The following XRN1 variants were observed in gnomAD, a reference collection of about 807,000 sequenced individuals.
The protein encoded by XRN1 is 5'-3' exoribonuclease 1.
XRN1 carries 67 observed loss-of-function variants against 222.3 expected under a neutral mutation model. The ratio of observed to expected loss-of-function variants is 0.30; its 90% CI spans 0.25 to 0.37. XRN1 has a LOEUF of 0.37. Ranked by LOEUF, XRN1 falls within the 10% of genes least tolerant of loss-of-function variation. The pLI, the probability that XRN1 is intolerant of heterozygous loss-of-function variation, is 1.00. For synonymous variants in XRN1, 643 were observed against 652.4 expected (o/e 0.99, Z 0.22); for missense variants, 1,707 against 2,000.2 (o/e 0.85, Z 2.80).
intron 33 of XRN1, among the ~76,000 whole-genome samples, chr3:142,338,214 C>A (rs1387228055): frequency 6.6e-6 from 1 of 152,178 alleles, no homozygotes; most frequent in African/African-American, 2.4e-5. Flanking sequence ...AAAAGACATC[C>A]CTCTCTTCCA....
At position 142,421,015 on chromosome 3, in the gene XRN1, C is replaced by T. The variant is rs2069006851; in HGVS notation, c.1173+1G>A. On this transcript the variant is annotated splice_donor_variant, in intron 10 of 40. Coordinates refer to ENST00000392981, the MANE Select transcript of XRN1 (RefSeq NM_001282857.2). LOFTEE classifies it high-confidence loss of function. The stretch of plus-strand genomic sequence containing the variant: ...GAAAGGACACCTAAAAAAATAGACA[C>T]CTTTAACTTTTTCTTTTCCTTGTAG... 7 of 1,613,732 alleles carry T rather than the reference C, an allele frequency of 4.3e-6. No homozygotes were observed. The South Asian group carries it at 4.4e-5, about 10-fold the overall frequency.
chr3:142,316,588 C>A (rs1380814620), intron 39 of XRN1, among the ~76,000 whole-genome samples: 1 of 152,198 alleles, frequency 6.6e-6, no homozygotes, highest in Non-Finnish European at 1.5e-5. Context: ...ACCTTCCTTA[C>A]TGCCAAGACT....
chr3:142,433,990 A>G (rs1199044780), intron 1 of XRN1, among the ~76,000 whole-genome samples: 2 of 152,228 alleles, frequency 1.3e-5, no homozygotes. Context: ...AGCATAACAT[A>G]AAAATTCTGG....
chr3:142,332,932 T>C, intron 35 of XRN1, 35 bp downstream of exon 35: 2 of 1,608,732 alleles, frequency 1.2e-6, no homozygotes, highest in Non-Finnish European at 1.7e-6. Context: ...AGTCGAGAAA[T>C]TACCACAGTA....
chr3:142,423,733 GAAGAAT>G, intron 5 of XRN1, 91 bp from the exon 6 acceptor site: 1 of 922,988 alleles, frequency 1.1e-6, no homozygotes, highest in Non-Finnish European at 1.6e-6. Context: ...TCTATACAAG[GAAGAAT>G]AAGAAACAAT....
In XRN1 at chr3:142,317,930, TTC is replaced by T. The variant is rs202018611; in HGVS notation, c.4621+660_4621+661del. 8.4e-5 allele frequency among the ~76,000 whole-genome samples: 5 copies of T among 59,250 alleles called. No homozygotes were observed. In the South Asian group the frequency reaches 8.7e-4, roughly 10 times the overall value. 38.9% of individuals were successfully genotyped at this position (59,250 alleles called of 152,430 possible). On this transcript the variant is annotated intron_variant, in intron 39 of 40. Coordinates refer to ENST00000392981, the MANE Select transcript of XRN1 (RefSeq NM_001282857.2). ...CAAATCTCTAATCTGCTGATATTTC[TTC>T]TGTCTTCATCCTCACAGATTTACAC...
rs376509512 is a variant in XRN1, at chr3:142,311,692, C to T, written c.4904G>A (p.Arg1635Gln). Residue 1635 changes from arginine (R) to glutamine (Q), a missense_variant, in exon 41 of 41, where the codon CGG becomes CAG. This residue lies in a region of XRN1 where 473 missense variants were observed against 482.0 expected (regional missense o/e 0.98). Coordinates refer to ENST00000392981, the MANE Select transcript of XRN1 (RefSeq NM_001282857.2). ...CTTCAAAGAAGCTGATGAGCTCTCC[C>T]GTGGACTTACTTTGACAATGTTGGA... ...DSSNIVKVSP[R>Q]ESSSASLKSS... 5.9e-5 allele frequency: 95 copies of T among 1,614,086 alleles called. 1 individual carries two copies. The South Asian group carries it at 8.6e-4, about 15-fold the overall frequency.
chr3:142,311,835 C>A (rs748982757), intron 40 of XRN1, 22 bp from the exon 41 acceptor site: 7 of 1,541,236 alleles, frequency 4.5e-6, no homozygotes, highest in Non-Finnish European at 6.1e-6. Flanking sequence ...AAAAGCATCA[C>A]TAATTAATAA....
At chr3:142,391,204 T>C (rs2067698753) in intron 20 of XRN1, among the ~76,000 whole-genome samples, 1 of 152,118 alleles carries the variant, frequency 6.6e-6, no homozygotes, top group Non-Finnish European at 1.5e-5. Flanking sequence ...TGCAACATGG[T>C]TGTCGCAAGC....
intron 32 of XRN1, among the ~76,000 whole-genome samples, chr3:142,347,909 T>A (rs2066194853): frequency 6.6e-6 from 1 of 152,114 alleles, no homozygotes; most frequent in Non-Finnish European, 1.5e-5. Context: ...AAAATCCTCC[T>A]TTCAATAAAA....
chr3:142,421,497 T>C lies in XRN1; in HGVS notation c.1014A>G (p.Lys338=), dbSNP rs187451144. 8 of 1,609,378 alleles carry C rather than the reference T, an allele frequency of 5.0e-6. No homozygotes were observed. The East Asian group carries it at 1.3e-4, about 27-fold the overall frequency. The part of the protein sequence containing the change: ...SGHLNLPRFE[K]YLVKLSDFDR... ...TTACATCTGATAGTTTCACAAGGTA[T>C]TTCTCAAATCGAGGTAAGTTGAGGT... The change falls in exon 9 of 41, where the codon AAA becomes AAG. Residue 338 remains lysine, a synonymous_variant. Transcript: ENST00000392981.
chr3:142,407,294 C>A (rs1253799538), intron 15 of XRN1, among the ~76,000 whole-genome samples: 1 of 152,144 alleles, frequency 6.6e-6, no homozygotes, highest in Non-Finnish European at 1.5e-5. Context: ...GCTTTATCAT[C>A]CCAAACATTT....
intron 20 of XRN1, among the ~76,000 whole-genome samples, chr3:142,392,002 CT>C (rs1559843722): frequency 6.6e-6 from 1 of 152,008 alleles, no homozygotes; most frequent in Non-Finnish European, 1.5e-5. Context: ...TCCTTGCCCC[CT>C]TTTCCAGGTC....
chr3:142,413,907 T>C (rs9867210), intron 14 of XRN1, among the ~76,000 whole-genome samples: 58,336 of 152,040 alleles, frequency 0.38, 11,225 homozygotes, highest in Middle Eastern at 0.47. Context: ...GTGCTGAAAA[T>C]GAAGCCAGGC....
chr3:142,400,685 C>G (rs138427078), intron 18 of XRN1, 138 bp from the exon 19 acceptor site: 1 of 570,526 alleles, frequency 1.8e-6, no homozygotes, highest in Non-Finnish European at 3.1e-6. Context: ...GTGACTCACA[C>G]CTGTAATCCC....
Position 142,431,633 on chromosome 3 carries a change from G to A in XRN1, c.308+1028C>T, listed in dbSNP as rs1020292584. 3.8e-4 allele frequency among the ~76,000 whole-genome samples: 57 copies of A among 150,796 alleles called. 1 individual carries two copies. The highest frequency in any genetic ancestry group is 3.6e-3 in the Admixed American group (54 of 15,028). Reference sequence around the variant, plus strand: ...GGAGTTTGAGATCAGCCTGGCCAACGTGGTGAAACTCCGTCTCTACTAAAA... The same window carrying A: ...GGAGTTTGAGATCAGCCTGGCCAACATGGTGAAACTCCGTCTCTACTAAAA... On this transcript the variant is annotated intron_variant, in intron 2 of 40. Coordinates refer to ENST00000392981, the MANE Select transcript of XRN1 (RefSeq NM_001282857.2).
chr3:142,414,098 C>A, intron 14 of XRN1, 37 bp downstream of exon 14: 1 of 1,523,254 alleles, frequency 6.6e-7, no homozygotes, highest in East Asian at 2.4e-5. Flanking sequence ...TTCTAAATAT[C>A]AAAAAGGACA....
chr3:142,353,141 A>T (rs2066360850), intron 32 of XRN1, among the ~76,000 whole-genome samples: 1 of 152,240 alleles, frequency 6.6e-6, no homozygotes, highest in Non-Finnish European at 1.5e-5. Context: ...ATAAAGTGAC[A>T]CATTCAAGTG....
At chr3:142,431,518 T>C (rs950297603) in intron 2 of XRN1, among the ~76,000 whole-genome samples, 8 of 151,350 alleles carry the variant, frequency 5.3e-5, no homozygotes, top group African/African-American at 1.9e-4. Flanking sequence ...CTGTCTCTAT[T>C]AAAAATATTA....
Sources: allele counts gnomAD v4.1 joint callset (sites outside exome capture counted in the v4.1 genomes callset), GRCh38; gene constraint gnomAD v4.1.1; regional missense constraint gnomAD v4.1.1; transcripts MANE v1.5; gene names NCBI Gene and HGNC (gene_info 2026-07-23, HGNC 2026-07-21).